Variants in ARHGAP24 observed in about 807,000 individuals in gnomAD.
ARHGAP24 encodes the protein rho GTPase-activating protein 24.
In ARHGAP24, 50 loss-of-function variants were observed where a neutral mutation model predicts 76.4. The observed-to-expected ratio is 0.65, with a 90% confidence interval of 0.52 to 0.83. The LOEUF (loss-of-function observed/expected upper bound fraction) is 0.83, where lower values mean the gene tolerates loss of function less well. Ranked by LOEUF, ARHGAP24 falls within the 40% of genes least tolerant of loss-of-function variation. ARHGAP24 has a pLI of 0.00. For missense variants in ARHGAP24, 930 were observed against 914.2 expected, an observed-to-expected ratio of 1.02 and a Z score of -0.22; for synonymous variants, 345 against 323.3, an observed-to-expected ratio of 1.07 and a Z score of -0.72.
chr4:85,756,429 T>G (rs1022106991), intron 3 of ARHGAP24, among the ~76,000 whole-genome samples: 2 of 152,188 alleles, frequency 1.3e-5, no homozygotes, highest in African/African-American at 4.8e-5. Context: ...ATAATATAAT[T>G]TTAGGGCATT....
intron 1 of ARHGAP24, among the ~76,000 whole-genome samples, chr4:85,532,500 T>C (rs1428179425): frequency 6.6e-6 from 1 of 152,164 alleles, no homozygotes; most frequent in African/African-American, 2.4e-5. Flanking sequence ...CATGGTACAA[T>C]TGGAGATTAA....
intron 5 of ARHGAP24, among the ~76,000 whole-genome samples, chr4:85,952,753 T>C (rs1274846319): frequency 6.6e-6 from 1 of 152,162 alleles, no homozygotes; most frequent in Admixed American, 6.5e-5. Flanking sequence ...CCAGTGAATT[T>C]TGTGAGAAAG....
intron 1 of ARHGAP24, among the ~76,000 whole-genome samples, chr4:85,477,577 T>G (rs1165214292): frequency 1.3e-5 from 2 of 152,156 alleles, no homozygotes; most frequent in Non-Finnish European, 2.9e-5. Flanking sequence ...ATGGTTTTAT[T>G]TACTGTGTGA....
At chr4:85,487,966 C>T (rs1237720283) in intron 1 of ARHGAP24, among the ~76,000 whole-genome samples, 1 of 145,164 alleles carries the variant, frequency 6.9e-6, no homozygotes, top group Non-Finnish European at 1.5e-5. Flanking sequence ...AGTGCAGTGG[C>T]GTGATCTCGG....
chr4:85,541,089 C>T (rs72967869), intron 1 of ARHGAP24, among the ~76,000 whole-genome samples: 14,100 of 139,002 alleles, frequency 0.1, 2,055 homozygotes, highest in African/African-American at 0.34. Flanking sequence ...CTGTGAATAA[C>T]AGTCCTCCGT....
intron 3 of ARHGAP24, among the ~76,000 whole-genome samples, chr4:85,728,487 T>TA (rs1725259180): frequency 1.3e-5 from 2 of 152,210 alleles, no homozygotes; most frequent in Non-Finnish European, 2.9e-5. Flanking sequence ...TTATTTGTAA[T>TA]TATCTGTTAT....
At chr4:85,926,192 A>G (rs1422781548) in intron 4 of ARHGAP24, among the ~76,000 whole-genome samples, 1 of 152,206 alleles carries the variant, frequency 6.6e-6, no homozygotes, top group Non-Finnish European at 1.5e-5. Context: ...TGGAAGGGAC[A>G]CTCAAATAGT....
intron 3 of ARHGAP24, among the ~76,000 whole-genome samples, chr4:85,727,750 C>T (rs778576585): frequency 8.5e-5 from 13 of 152,108 alleles, no homozygotes; most frequent in Non-Finnish European, 1.3e-4. Flanking sequence ...CTCAGTCCAT[C>T]CACCAAGCAA....
At chr4:85,890,055 T>G (rs180802507) in intron 3 of ARHGAP24, among the ~76,000 whole-genome samples, 1 of 152,132 alleles carries the variant, frequency 6.6e-6, no homozygotes, top group African/African-American at 2.4e-5. Flanking sequence ...CTGTCAGGGT[T>G]GTAGGAAAGC....
intron 1 of ARHGAP24, among the ~76,000 whole-genome samples, chr4:85,532,146 C>T (rs1725284006): frequency 6.6e-6 from 1 of 152,100 alleles, no homozygotes; most frequent in African/African-American, 2.4e-5. Context: ...GTTTTAAAGT[C>T]ATAATGTGAC....
intron 7 of ARHGAP24, among the ~76,000 whole-genome samples, chr4:85,976,458 C>T (rs748027783): frequency 5.8e-4 from 89 of 152,246 alleles, no homozygotes; most frequent in Non-Finnish European, 9.3e-4. Flanking sequence ...ATAATGGTAC[C>T]TACCTCAGAG....
At chr4:85,762,801 T>C (rs1560620894) in intron 3 of ARHGAP24, among the ~76,000 whole-genome samples, 1 of 152,112 alleles carries the variant, frequency 6.6e-6, no homozygotes, top group African/African-American at 2.4e-5. Flanking sequence ...GTGCCTAAAA[T>C]AAAGAGATTT....
At chr4:85,859,862 G>A (rs1174339982) in intron 3 of ARHGAP24, among the ~76,000 whole-genome samples, 1 of 152,024 alleles carries the variant, frequency 6.6e-6, no homozygotes, top group Non-Finnish European at 1.5e-5. Context: ...TTATGTTTCA[G>A]TCTCCAGGGT....
At chr4:85,563,077 C>G (rs1040912829) in intron 1 of ARHGAP24, among the ~76,000 whole-genome samples, 9 of 152,150 alleles carry the variant, frequency 5.9e-5, no homozygotes, top group Non-Finnish European at 1.2e-4. Context: ...TCAGTATAAA[C>G]TGGCTTTGAC....
intron 2 of ARHGAP24, among the ~76,000 whole-genome samples, chr4:85,644,230 G>A (rs979409574): frequency 6.6e-6 from 1 of 152,168 alleles, no homozygotes; most frequent in African/African-American, 2.4e-5. Flanking sequence ...GCTTAGAACA[G>A]AGCTTGGCAC....
intron 2 of ARHGAP24, among the ~76,000 whole-genome samples, chr4:85,592,440 G>A (rs546693076): frequency 3.3e-5 from 5 of 152,152 alleles, no homozygotes; most frequent in Admixed American, 6.5e-5. Context: ...AGCTTAAATG[G>A]TGTATCCATA....
chr4:85,832,152 C>G (rs773546758), intron 3 of ARHGAP24, among the ~76,000 whole-genome samples: 2 of 152,196 alleles, frequency 1.3e-5, no homozygotes, highest in African/African-American at 2.4e-5. Context: ...GGAGCAAGAG[C>G]CTTTTGTGTT....
At chr4:85,859,101 T>A (rs1043835558) in intron 3 of ARHGAP24, among the ~76,000 whole-genome samples, 6 of 152,022 alleles carry the variant, frequency 3.9e-5, no homozygotes, top group African/African-American at 7.2e-5. Flanking sequence ...AAAACATGGT[T>A]TGACCTGGGA....
intron 2 of ARHGAP24, among the ~76,000 whole-genome samples, chr4:85,575,469 C>T (rs1369698516): frequency 2.0e-5 from 3 of 152,128 alleles, no homozygotes; most frequent in Non-Finnish European, 4.4e-5. Flanking sequence ...TCATTCTGTA[C>T]AGAAGAATCT....
Sources: gnomAD v4.1 joint callset for allele counts (sites outside exome capture counted in the v4.1 genomes callset) on GRCh38, gnomAD v4.1.1 for gene constraint, MANE v1.5 for transcripts, NCBI Gene and HGNC (gene_info 2026-07-23, HGNC 2026-07-21) for gene names.